The following MRAS variants were observed in gnomAD, a reference collection of about 807,000 sequenced individuals.
MRAS encodes muscle RAS oncogene homolog.
A neutral mutation model predicts 20.9 loss-of-function variants in MRAS; 4 were observed. The ratio of observed to expected loss-of-function variants is 0.19; its 90% CI spans 0.09 to 0.44. The LOEUF (loss-of-function observed/expected upper bound fraction) is 0.44, where lower values mean the gene tolerates loss of function less well. MRAS is among the 20% of genes least tolerant of loss of function. The pLI is 0.99. For missense variants in MRAS, 154 were observed against 277.5 expected (o/e 0.56, Z 3.16); for synonymous variants, 98 against 102.9 (o/e 0.95, Z 0.29).
In MRAS at chr3:138,402,211, C is replaced by T; in HGVS notation, c.569C>T (p.Thr190Ile). Residue 190 changes from threonine to isoleucine, a missense_variant, in exon 6 of 6, where the codon ACC (threonine) becomes ATC (isoleucine). Physicochemically the swap from Thr to Ile is moderately conservative, Grantham distance 89. This residue lies in a region of MRAS where 125 missense variants were observed against 213.5 expected (regional missense o/e 0.59). Coordinates refer to ENST00000423968, the MANE Select transcript of MRAS (RefSeq NM_001085049.3). ...PEKSQKKKKK[T>I]KWRGDRATGT... Reference sequence around the variant, plus strand: ...AAAAGCCAGAAGAAGAAGAAGAAAACCAAATGGCGGGGAGACCGGGCCACA... The same window carrying T: ...AAAAGCCAGAAGAAGAAGAAGAAAATCAAATGGCGGGGAGACCGGGCCACA... 6.2e-7 allele frequency: 1 copy of T among 1,614,226 alleles called. No homozygotes were observed. Among genetic ancestry groups the T allele is most frequent in the Non-Finnish European group, 8.5e-7 (1 of 1,180,038 alleles).
In MRAS at chr3:138,398,599, A is replaced by G. The variant is rs752573831; in HGVS notation, c.447+31A>G. On this transcript the variant is annotated intron_variant, in intron 4 of 5. Coordinates refer to ENST00000423968, the MANE Select transcript of MRAS (RefSeq NM_001085049.3). ...TGTGTGCGTGTGTGTAGAGGGGGTC[A>G]GGAGATGTGTAAAAGCTGTAGCCTG... The G allele has an allele frequency of 1.9e-6, 3 of 1,596,266 alleles. No individual in the cohort carries two copies. The South Asian group carries it at 3.3e-5, about 18-fold the overall frequency.
At chr3:138,395,762 A>C (rs777620306) in intron 2 of MRAS, among the ~76,000 whole-genome samples, 1 of 152,222 alleles carries the variant, frequency 6.6e-6, no homozygotes, top group Non-Finnish European at 1.5e-5. Context: ...CCATAAAAGC[A>C]AGGATTTGGT....
At chr3:138,356,662 G>A (rs561167622) in intron 1 of MRAS, among the ~76,000 whole-genome samples, 1 of 152,296 alleles carries the variant, frequency 6.6e-6, no homozygotes, top group African/African-American at 2.4e-5. Context: ...TCACTGTCCC[G>A]AAGACTTGGG....
chr3:138,400,711 A>T (rs550769490), intron 5 of MRAS, 98 bp downstream of exon 5: 9 of 1,011,568 alleles, frequency 8.9e-6, no homozygotes. Flanking sequence ...TTCTGAGGCC[A>T]TGAGGCTGTG....
At chr3:138,375,736 G>A (rs2054769963) in intron 2 of MRAS, among the ~76,000 whole-genome samples, 1 of 152,190 alleles carries the variant, frequency 6.6e-6, no homozygotes, top group African/African-American at 2.4e-5. Flanking sequence ...ACAACTTTGT[G>A]GCTGGGCGCT....
Position 138,370,529 on chromosome 3 carries a change from C to T in MRAS, c.-18-2337C>T, listed in dbSNP as rs147407075. Among the ~76,000 whole-genome samples, 840 of 152,146 alleles carry T rather than the reference C, an allele frequency of 5.5e-3. 4 individuals carry two copies. The highest frequency in any genetic ancestry group is 9.7e-3 in the Non-Finnish European group (661 of 67,996). ...GCCCTCTCTCCTTGGCCTGCCTTCA[C>T]CGTCATGGATTTGGCCATGGAAGAG... On this transcript the variant is annotated intron_variant, in intron 1 of 5. Transcript: ENST00000423968.
chr3:138,392,282 A>G (rs1432565933), intron 2 of MRAS, among the ~76,000 whole-genome samples: 1 of 152,220 alleles, frequency 6.6e-6, no homozygotes, highest in Non-Finnish European at 1.5e-5. Flanking sequence ...ATTGTAGCTC[A>G]TTGGAACCTC....
intron 1 of MRAS, among the ~76,000 whole-genome samples, 155 bp from the exon 2 acceptor site, chr3:138,372,711 G>A (rs1439018559): frequency 6.6e-6 from 1 of 152,240 alleles, no homozygotes; most frequent in East Asian, 1.9e-4. Context: ...TGGCTAGTGA[G>A]ACCAGGGGTA....
At chr3:138,355,076 C>T (rs1030745902) in intron 1 of MRAS, among the ~76,000 whole-genome samples, 9 of 152,150 alleles carry the variant, frequency 5.9e-5, no homozygotes, top group African/African-American at 2.2e-4. Flanking sequence ...TGAGCCCCCA[C>T]ACCTGGACAC....
At position 138,405,423 on chromosome 3, in the gene MRAS, A is replaced by G. The variant is rs1171252353; in HGVS notation, c.*3154A>G. On this transcript the variant is annotated 3_prime_UTR_variant, in exon 6 of 6. Coordinates refer to ENST00000423968, the MANE Select transcript of MRAS (RefSeq NM_001085049.3). ...TGTTTCATAGTCTTAACAGGTGGCC[A>G]TTGTCGTGAAACGAGTGATGCCTGA... is the stretch of plus-strand genomic sequence containing the variant. The G allele has an allele frequency of 1.3e-5, 2 of 152,688 alleles. No individual in the cohort carries two copies. Among genetic ancestry groups the G allele is most frequent in the Non-Finnish European group, 2.9e-5 (2 of 68,038 alleles). 9.5% of individuals were successfully genotyped at this position (152,688 alleles called of 1,614,324 possible).
intron 4 of MRAS, among the ~76,000 whole-genome samples, 168 bp downstream of exon 4, chr3:138,398,736 T>C (rs1361251708): frequency 6.6e-6 from 1 of 152,182 alleles, no homozygotes; most frequent in Non-Finnish European, 1.5e-5. Flanking sequence ...ATCCAGGTAA[T>C]GCACATCAGT....
At chr3:138,398,936 C>T (rs1018061768) in intron 4 of MRAS, among the ~76,000 whole-genome samples, 3 of 152,164 alleles carry the variant, frequency 2.0e-5, no homozygotes, top group Admixed American at 1.3e-4. Flanking sequence ...CCAGGTAGGT[C>T]CCAGCTTGAG....
chr3:138,372,937 G>A lies in MRAS; in HGVS notation c.54G>A (p.Val18=). The change falls in exon 2 of 6, where the codon GTG becomes GTA. Residue 18 remains valine (V), a synonymous_variant. Coordinates refer to ENST00000423968, the MANE Select transcript of MRAS (RefSeq NM_001085049.3). The stretch of plus-strand genomic sequence containing the variant: ...ACCTCCCCACATACAAGCTGGTGGT[G>A]GTGGGGGATGGGGGTGTGGGCAAAA... ...SDNLPTYKLV[V]VGDGGVGKSA... The A allele has an allele frequency of 1.3e-6, 2 of 1,557,082 alleles. No individual in the cohort carries two copies. The highest frequency in any genetic ancestry group is 8.6e-7 in the Non-Finnish European group (1 of 1,157,462).
Position 138,402,515 on chromosome 3 carries a change from C to T in MRAS, c.*246C>T. On this transcript the variant is annotated 3_prime_UTR_variant, in exon 6 of 6. Transcript: ENST00000423968. ...AGAAGCAGCATCCAAGTGCCCCTGG[C>T]CCCCCCATGTGTTGATTCAACCCGG... is the stretch of plus-strand genomic sequence containing the variant. 1 of 447,866 alleles carries T rather than the reference C, an allele frequency of 2.2e-6. No individual in the cohort carries two copies. The highest frequency in any genetic ancestry group is 3.9e-6 in the Non-Finnish European group (1 of 253,168). The allele number at this position is 447,866 out of a possible 1,614,324, so 27.7% of individuals were successfully genotyped here.
chr3:138,350,768 A>G (rs995873904), intron 1 of MRAS, among the ~76,000 whole-genome samples: 1 of 152,030 alleles, frequency 6.6e-6, no homozygotes, highest in Non-Finnish European at 1.5e-5. Context: ...CCAGGGCAAC[A>G]TGGTGAAACT....
chr3:138,388,023 T>C (rs555627211), intron 2 of MRAS, among the ~76,000 whole-genome samples: 2 of 152,344 alleles, frequency 1.3e-5, no homozygotes, highest in Admixed American at 1.3e-4. Flanking sequence ...AAAGGGACTC[T>C]TCCCTGTCAC....
At chr3:138,397,204 C>T (rs757003506) in intron 2 of MRAS, 120 bp from the exon 3 acceptor site, 10 of 1,205,240 alleles carry the variant, frequency 8.3e-6, no homozygotes, top group Middle Eastern at 2.8e-4. Context: ...CAGCCTCTCA[C>T]GGGACAGCTC....
At chr3:138,386,830 T>C (rs910228694) in intron 2 of MRAS, among the ~76,000 whole-genome samples, 9 of 152,182 alleles carry the variant, frequency 5.9e-5, no homozygotes, top group African/African-American at 1.9e-4. Flanking sequence ...GACATTTGGG[T>C]TGTTTCTACT....
At chr3:138,378,507 TC>T (rs1371991699) in intron 2 of MRAS, among the ~76,000 whole-genome samples, 2 of 152,170 alleles carry the variant, frequency 1.3e-5, no homozygotes, top group Non-Finnish European at 2.9e-5. Flanking sequence ...CCTCTCTTCC[TC>T]CCCGTCTGGT....
Sources: gnomAD v4.1 joint callset for allele counts (sites outside exome capture counted in the v4.1 genomes callset) on GRCh38, gnomAD v4.1.1 for gene constraint, gnomAD v4.1.1 regional missense constraint, MANE v1.5 for transcripts, NCBI Gene and HGNC (gene_info 2026-07-23, HGNC 2026-07-21) for gene names.